Variants in CELF2 observed in about 807,000 individuals in gnomAD.
CELF2 encodes the protein CUGBP Elav-like family member 2.
Under a neutral mutation model 62.6 loss-of-function variants are expected in CELF2, and 8 were observed. The observed-to-expected ratio is 0.13, with a 90% CI of 0.07 to 0.23. The LOEUF (loss-of-function observed/expected upper bound fraction) is 0.23, where lower values mean the gene tolerates loss of function less well. Ranked by LOEUF, CELF2 falls within the 10% of genes least tolerant of loss-of-function variation. The pLI is 1.00. For missense variants in CELF2, 333 were observed against 671.0 expected, an observed-to-expected ratio of 0.50 and a Z score of 5.56; for synonymous variants, 258 against 250.0, an observed-to-expected ratio of 1.03 and a Z score of -0.30.
At position 10,993,830 on chromosome 10, in the gene CELF2, C is replaced by A. The variant is rs917736090; in HGVS notation, c.89+73831C>A. On this transcript the variant is annotated intron_variant, in intron 2 of 13. Transcript: ENST00000636488. The surrounding 1 kb of genome is among the most constrained non-coding windows in gnomAD (Gnocchi z 5.3). ...ATGTGATTGTATTTGGAGATAGAAC[C>A]TTTAAGGAAGTAATTAGAGTTAATG... Among the ~76,000 whole-genome samples the A allele has an allele frequency of 9.2e-5, 14 of 152,172 alleles. No homozygotes were observed. Among genetic ancestry groups the A allele is most frequent in the African/African-American group, 3.4e-4 (14 of 41,512 alleles).
chr10:10,892,607 A>G lies in CELF2; in HGVS notation c.54-27357A>G, dbSNP rs934530494. On this transcript the variant is annotated intron_variant, in intron 1 of 13. Transcript: ENST00000636488. ...ATTCATTCTCATTAGTGGAGCTTTC[A>G]TTGTTGTTATTTGCCTTCTGTAGGA... Among the ~76,000 whole-genome samples the G allele has an allele frequency of 5.3e-5, 8 of 152,308 alleles. No homozygotes were observed. The East Asian group carries it at 1.5e-3, about 29-fold the overall frequency.
At chr10:11,016,786 CAT>C (rs1440369203), upstream of CELF2, among the ~76,000 whole-genome samples, 2 of 152,068 alleles carry the variant, frequency 1.3e-5, no homozygotes, top group African/African-American at 2.4e-5. The surrounding 1 kb of genome is among the most constrained non-coding windows in gnomAD (Gnocchi z 5.2). Flanking sequence ...CAAACAAAAC[CAT>C]GTGTGTGTGC....
chr10:10,756,117 C>T, the CELF2 span, among the ~76,000 whole-genome samples: 3 of 152,164 alleles, frequency 2.0e-5, no homozygotes, highest in African/African-American at 7.2e-5. Flanking sequence ...GATTCACTTT[C>T]TTCTGTATTC....
the CELF2 span, among the ~76,000 whole-genome samples, chr10:10,574,808 C>G: frequency 1.3e-5 from 2 of 150,276 alleles, no homozygotes; most frequent in African/African-American, 4.9e-5. Context: ...CTCCTGGGTT[C>G]AAGCAATTCT....
chr10:11,007,389 CA>C (rs1362920195), intron 1 of CELF2, among the ~76,000 whole-genome samples: 1 of 151,830 alleles, frequency 6.6e-6, no homozygotes, highest in Non-Finnish European at 1.5e-5. Flanking sequence ...TGAAATGTTA[CA>C]AAAAATTTTA....
chr10:10,616,296 G>T, the CELF2 span, among the ~76,000 whole-genome samples: 2 of 71,856 alleles, frequency 2.8e-5, no homozygotes, highest in South Asian at 5.1e-4. Flanking sequence ...TTTGTTTGGG[G>T]TGTGTGTGTG....
chr10:10,886,597 G>A (rs566123509), intron 1 of CELF2, among the ~76,000 whole-genome samples: 31 of 152,228 alleles, frequency 2.0e-4, no homozygotes, highest in Non-Finnish European at 4.1e-4. Context: ...AGCCCTTCAG[G>A]AGGCCAAGGC....
intron 1 of CELF2, among the ~76,000 whole-genome samples, chr10:10,803,345 ATCTCC>A (rs2054863244): frequency 6.6e-6 from 1 of 151,762 alleles, no homozygotes; most frequent in Non-Finnish European, 1.5e-5. Context: ...CTCTGCCTAA[ATCTCC>A]TCCCTCTCTC....
upstream of CELF2, among the ~76,000 whole-genome samples, chr10:11,014,992 G>T (rs1250744593): frequency 6.6e-6 from 1 of 152,286 alleles, no homozygotes. Flanking sequence ...GTCACCAACC[G>T]GTTCATATCC....
intron 1 of CELF2, among the ~76,000 whole-genome samples, chr10:11,136,394 G>A (rs1386342072): frequency 6.6e-6 from 1 of 152,186 alleles, no homozygotes; most frequent in Non-Finnish European, 1.5e-5. Flanking sequence ...CCTGAGGTCA[G>A]GAGTCGAGAC....
At chr10:11,236,031 GA>G (rs2071142627) in intron 3 of CELF2, among the ~76,000 whole-genome samples, 1 of 152,128 alleles carries the variant, frequency 6.6e-6, no homozygotes, top group South Asian at 2.1e-4. Flanking sequence ...CTAAACCAAT[GA>G]AATCATACAT....
intron 4 of CELF2, 94 bp from the exon 5 acceptor site, chr10:11,257,644 A>G (rs56183744): frequency 0.19 from 272,917 of 1,447,256 alleles, 28,324 homozygotes; most frequent in Middle Eastern, 0.22. Context: ...TTGGTCTCAC[A>G]TGGCTGGGGC....
the CELF2 span, among the ~76,000 whole-genome samples, chr10:10,779,950 G>T: frequency 1.3e-5 from 2 of 152,134 alleles, no homozygotes; most frequent in Non-Finnish European, 2.9e-5. Flanking sequence ...CTGCAGAAAG[G>T]TTTGGGTGGG....
intron 1 of CELF2, among the ~76,000 whole-genome samples, chr10:11,141,531 GT>G (rs1455480078): frequency 5.9e-5 from 9 of 152,220 alleles, no homozygotes; most frequent in African/African-American, 2.2e-4. Context: ...GCAGATTGAC[GT>G]TCTTGGAAGA....
chr10:10,858,994 C>A (rs1393639645), intron 1 of CELF2, among the ~76,000 whole-genome samples: 1 of 152,156 alleles, frequency 6.6e-6, no homozygotes, highest in Non-Finnish European at 1.5e-5. Flanking sequence ...GGTTCAACAA[C>A]TAGCAGATGA....
chr10:10,873,709 AT>A (rs2133450364), intron 1 of CELF2, among the ~76,000 whole-genome samples: 1 of 152,244 alleles, frequency 6.6e-6, no homozygotes, highest in East Asian at 1.9e-4. Flanking sequence ...TAAATCGAAG[AT>A]CTGTTCATCT....
Position 11,165,820 on chromosome 10 carries a change from G to A in CELF2, c.271+138G>A. ...AGCAGCCGGTGCTGGCGGCCCCTGT[G>A]CTCCAGGGGCTGCTCCCGACTCCTC... On this transcript the variant is annotated intron_variant, in intron 2 of 12. Coordinates refer to ENST00000633077, the MANE Select transcript of CELF2 (RefSeq NM_001326342.2). This position sits in a 1 kb window ranked among gnomAD's most constrained non-coding sequence, Gnocchi z 7.4. The A allele has an allele frequency of 7.7e-6, 6 of 780,386 alleles. No individual in the cohort carries two copies. The highest frequency in any genetic ancestry group is 3.7e-5 in the South Asian group (2 of 54,048). The allele number at this position is 780,386 out of a possible 1,614,324, so 48.3% of individuals were successfully genotyped here.
chr10:10,480,222 C>T, the CELF2 span, among the ~76,000 whole-genome samples: 2 of 152,172 alleles, frequency 1.3e-5, no homozygotes, highest in Non-Finnish European at 2.9e-5. Context: ...TCTGTGAAAA[C>T]ACGGGAGCCC....
chr10:11,077,150 G>A (rs2072243043), intron 1 of CELF2, among the ~76,000 whole-genome samples: 1 of 152,172 alleles, frequency 6.6e-6, no homozygotes, highest in African/African-American at 2.4e-5. Context: ...GGTGGTAGTA[G>A]TTCACACAGT....
Sources: gnomAD v4.1 joint callset for allele counts (sites outside exome capture counted in the v4.1 genomes callset) on GRCh38, gnomAD v4.1.1 for gene constraint, Gnocchi (gnomAD v3.1) non-coding constraint, MANE v1.5 for transcripts, NCBI Gene and HGNC (gene_info 2026-07-23, HGNC 2026-07-21) for gene names.